The following ZPBP variants were observed in gnomAD, a reference collection of about 807,000 sequenced individuals.
The protein encoded by ZPBP is zona pellucida binding protein.
A neutral mutation model predicts 44.8 loss-of-function variants in ZPBP; 26 were observed. The ratio of observed to expected loss-of-function variants is 0.58; its 90% confidence interval spans 0.43 to 0.81. The LOEUF is 0.81. Ranked by LOEUF, ZPBP falls within the 30% of genes least tolerant of loss-of-function variation. The pLI, the probability that ZPBP is intolerant of heterozygous loss-of-function variation, is 0.00. For missense variants in ZPBP, 409 were observed against 434.0 expected (o/e 0.94, Z 0.51); for synonymous variants, 174 against 153.2 (o/e 1.14, Z -1.00).
chr7:50,043,099 C>G (rs1800173149), intron 4 of ZPBP, among the ~76,000 whole-genome samples: 1 of 152,230 alleles, frequency 6.6e-6, no homozygotes, highest in Non-Finnish European at 1.5e-5. Context: ...CAAACAATAG[C>G]ATGAGTGATC....
At chr7:50,089,745 G>C (rs918142085) in intron 1 of ZPBP, 36 bp from the exon 2 acceptor site, 1 of 1,507,182 alleles carries the variant, frequency 6.6e-7, no homozygotes, top group Admixed American at 1.7e-5. Flanking sequence ...TGTCTCATTA[G>C]ATATTCTAAA....
chr7:50,028,800 A>G (rs1799454827), intron 5 of ZPBP, among the ~76,000 whole-genome samples: 1 of 151,850 alleles, frequency 6.6e-6, no homozygotes, highest in Non-Finnish European at 1.5e-5. Context: ...GACTATAGTT[A>G]TACACTGAAA....
At chr7:49,928,852 G>A (rs75676889) in intron 1 of ZPBP, among the ~76,000 whole-genome samples, 4,623 of 152,192 alleles carry the variant, frequency 0.03, 187 homozygotes, top group South Asian at 0.13. Flanking sequence ...AACTGGAACC[G>A]GCACAAATCC....
intron 5 of ZPBP, among the ~76,000 whole-genome samples, chr7:50,023,146 G>A (rs1315178584): frequency 1.3e-5 from 2 of 152,034 alleles, no homozygotes; most frequent in African/African-American, 4.8e-5. Context: ...ATTTTTACCA[G>A]AGTCTCAATG....
intron 7 of ZPBP, among the ~76,000 whole-genome samples, chr7:49,958,456 C>T (rs1488994524): frequency 6.6e-6 from 1 of 152,156 alleles, no homozygotes; most frequent in Non-Finnish European, 1.5e-5. Flanking sequence ...TTGTCTAGGT[C>T]ATGATGGCTT....
downstream of ZPBP, among the ~76,000 whole-genome samples, chr7:49,849,704 T>C (rs147517255): frequency 8.5e-5 from 13 of 152,286 alleles, no homozygotes; most frequent in East Asian, 2.5e-3. Flanking sequence ...TCAGGGAGAT[T>C]GTGGATGTCA....
At chr7:49,867,435 G>A (rs1431483182) in intron 2 of ZPBP, among the ~76,000 whole-genome samples, 7 of 152,224 alleles carry the variant, frequency 4.6e-5, no homozygotes, top group Non-Finnish European at 8.8e-5. Flanking sequence ...CAGGTCAACT[G>A]AGAGGCGGAG....
intron 3 of ZPBP, among the ~76,000 whole-genome samples, chr7:50,063,472 A>G (rs1335570725): frequency 6.6e-6 from 1 of 152,240 alleles, no homozygotes. Flanking sequence ...GTCAGAATAT[A>G]CAAACTCTAT....
chr7:50,008,420 C>A (rs1798412864), intron 6 of ZPBP, among the ~76,000 whole-genome samples: 1 of 151,990 alleles, frequency 6.6e-6, no homozygotes, highest in Non-Finnish European at 1.5e-5. Context: ...CATGCATTAA[C>A]ACATTTAAGA....
At chr7:49,857,490 A>G (rs1294475636) in intron 2 of ZPBP, among the ~76,000 whole-genome samples, 1 of 152,218 alleles carries the variant, frequency 6.6e-6, no homozygotes, top group Non-Finnish European at 1.5e-5. Flanking sequence ...TGCAATTAAC[A>G]TGGGAGTGTA....
chr7:50,036,503 T>C (rs185941017), intron 4 of ZPBP, among the ~76,000 whole-genome samples: 1 of 152,278 alleles, frequency 6.6e-6, no homozygotes, highest in East Asian at 1.9e-4. Context: ...GAAGGAGGCT[T>C]TGAAAGAAGT....
chr7:50,029,356 G>A (rs1423330267), intron 5 of ZPBP, among the ~76,000 whole-genome samples: 3 of 152,080 alleles, frequency 2.0e-5, no homozygotes, highest in Admixed American at 1.3e-4. Context: ...AATCTTAGAC[G>A]TAAGTGTAAT....
chr7:50,064,618 T>C (rs1444072789), intron 3 of ZPBP, among the ~76,000 whole-genome samples: 1 of 152,216 alleles, frequency 6.6e-6, no homozygotes, highest in African/African-American at 2.4e-5. Context: ...GAATTAGAAT[T>C]CAGTGATATT....
At chr7:49,869,350 T>G (rs900907608) in intron 2 of ZPBP, among the ~76,000 whole-genome samples, 1 of 152,118 alleles carries the variant, frequency 6.6e-6, no homozygotes, top group East Asian at 1.9e-4. Flanking sequence ...CTGAACAAGG[T>G]CTGAAAGGGT....
At chr7:50,012,777 T>C (rs1798645888) in intron 6 of ZPBP, among the ~76,000 whole-genome samples, 1 of 150,130 alleles carries the variant, frequency 6.7e-6, no homozygotes, top group South Asian at 2.1e-4. Flanking sequence ...TGTTGTACTG[T>C]AGATTACAGG....
At chr7:49,998,151 C>T (rs943280440) in intron 6 of ZPBP, among the ~76,000 whole-genome samples, 4 of 152,106 alleles carry the variant, frequency 2.6e-5, no homozygotes, top group Non-Finnish European at 4.4e-5. Flanking sequence ...CTCCTGACTT[C>T]GTGATCCACC....
chr7:49,868,992 C>T (rs568498251), intron 2 of ZPBP, among the ~76,000 whole-genome samples: 2 of 152,224 alleles, frequency 1.3e-5, no homozygotes, highest in Non-Finnish European at 1.5e-5. Flanking sequence ...TTCCAGAGTA[C>T]GGTTTCTGAA....
chr7:49,950,555 C>A (rs1305694810), intron 7 of ZPBP, among the ~76,000 whole-genome samples: 2 of 151,458 alleles, frequency 1.3e-5, no homozygotes, highest in African/African-American at 4.8e-5. Context: ...AATCATAATT[C>A]TTTAAAAGAC....
At chr7:49,854,365 C>G (rs1272731437) in intron 2 of ZPBP, among the ~76,000 whole-genome samples, 1 of 152,172 alleles carries the variant, frequency 6.6e-6, no homozygotes, top group African/African-American at 2.4e-5. Flanking sequence ...CACATCCTCT[C>G]CAGCACCTGT....
Sources: gnomAD v4.1 joint callset for allele counts (sites outside exome capture counted in the v4.1 genomes callset) on GRCh38, gnomAD v4.1.1 for gene constraint, MANE v1.5 for transcripts, NCBI Gene and HGNC (gene_info 2026-07-23, HGNC 2026-07-21) for gene names.